ARMC10: variants seen among roughly 807,000 people sequenced by gnomAD.
ARMC10 encodes the protein armadillo repeat-containing protein 10.
ARMC10 carries 23 observed loss-of-function variants against 30.2 expected under a neutral mutation model. The observed-to-expected ratio is 0.76, with a 90% CI of 0.55 to 1.08. The LOEUF (loss-of-function observed/expected upper bound fraction) is 1.08, where lower values mean the gene tolerates loss of function less well. Among genes scored for constraint, ARMC10 ranks in the 50% least tolerant of loss-of-function variants. ARMC10 has a pLI of 0.00. For synonymous variants in ARMC10, 111 were observed against 164.4 expected (o/e 0.68, Z 2.48); for missense variants, 303 against 413.7 (o/e 0.73, Z 2.32).
At position 103,092,345 on chromosome 7, in the gene ARMC10, A is replaced by AAG. The variant is rs1483081467; in HGVS notation, c.529-131_529-130insGA. 4 of 494,566 alleles carry AAG rather than the reference A, an allele frequency of 8.1e-6. No individual in the cohort carries two copies. In the East Asian group the frequency reaches 1.4e-4, roughly 17 times the overall value. 30.6% of individuals were successfully genotyped at this position (494,566 alleles called of 1,614,324 possible). ...GACTCCGTCTCAAAAAAAAAAAAAA[A>AAG]AAAAAAGTCGTATTTTTTGAGGAGT... On this transcript the variant is annotated intron_variant, in intron 4 of 6. Transcript: ENST00000323716.
chr7:103,090,663 T>G (rs1801231195), intron 4 of ARMC10, among the ~76,000 whole-genome samples: 1 of 151,784 alleles, frequency 6.6e-6, no homozygotes, highest in East Asian at 1.9e-4. Context: ...ACGCTTGCAA[T>G]TTTTTGTATT....
At chr7:103,087,779 G>A in intron 4 of ARMC10, 1 of 985,254 alleles carries the variant, frequency 1.0e-6, no homozygotes. Context: ...CCAAAACACT[G>A]TTAAGCAGTA....
chr7:103,076,969 G>A (rs1202559648), intron 2 of ARMC10, among the ~76,000 whole-genome samples: 2 of 152,056 alleles, frequency 1.3e-5, no homozygotes, highest in Non-Finnish European at 2.9e-5. Flanking sequence ...CTGCAGCGGC[G>A]CAATCACAGC....
rs1422529604 is a variant in ARMC10, at chr7:103,075,333, T to C, written c.61T>C (p.Cys21Arg). Reference protein sequence around the residue: ...AAGLLLGAGACYCIYRLTRGR... With the variant: ...AAGLLLGAGARYCIYRLTRGR... ...GGGCCTGCTGCTCGGCGCGGGCGCC[T>C]GCTACTGCATTTACAGGCTGACCCG... Residue 21 changes from cysteine to arginine, a missense_variant, in exon 1 of 7, where the codon TGC (cysteine) becomes CGC (arginine). Coordinates refer to ENST00000323716, the MANE Select transcript of ARMC10 (RefSeq NM_031905.5). 4 of 1,252,128 alleles carry C rather than the reference T, an allele frequency of 3.2e-6. No individual in the cohort carries two copies. Among genetic ancestry groups the C allele is most frequent in the Non-Finnish European group, 4.0e-6 (4 of 998,080 alleles). 77.6% of individuals were successfully genotyped at this position (1,252,128 alleles called of 1,614,324 possible).
At chr7:103,094,929 T>A (rs1294980235) in intron 5 of ARMC10, among the ~76,000 whole-genome samples, 1 of 150,160 alleles carries the variant, frequency 6.7e-6, no homozygotes, top group African/African-American at 2.4e-5. Context: ...TACTTAAAAT[T>A]TTTATCATGA....
At chr7:103,079,424 C>T (rs899426161) in intron 2 of ARMC10, among the ~76,000 whole-genome samples, 3 of 152,160 alleles carry the variant, frequency 2.0e-5, no homozygotes, top group Non-Finnish European at 4.4e-5. Context: ...TGATCAAGTA[C>T]ATCCATCAAA....
intron 3 of ARMC10, 193 bp downstream of exon 3, chr7:103,084,023 A>C (rs766302284): frequency 6.6e-7 from 1 of 1,510,140 alleles, no homozygotes; most frequent in Admixed American, 2.0e-5. Context: ...TATTAATGTG[A>C]TTATAGATCC....
chr7:103,091,557 C>G (rs1801332770), intron 4 of ARMC10, among the ~76,000 whole-genome samples: 1 of 152,032 alleles, frequency 6.6e-6, no homozygotes, highest in Non-Finnish European at 1.5e-5. Flanking sequence ...TAATTTTGTT[C>G]TGCTTACTTT....
At chr7:103,085,816 T>G (rs896532262) in intron 3 of ARMC10, among the ~76,000 whole-genome samples, 22 of 152,068 alleles carry the variant, frequency 1.4e-4, no homozygotes, top group African/African-American at 4.8e-4. Context: ...GGTTTCACCA[T>G]GTTGGCCAGG....
At chr7:103,075,466 A>G in intron 1 of ARMC10, 55 bp downstream of exon 1, 4 of 1,268,560 alleles carry the variant, frequency 3.2e-6, no homozygotes, top group Non-Finnish European at 4.0e-6. Flanking sequence ...GGGGCTCCCC[A>G]GGCCGGGGTG....
intron 5 of ARMC10, chr7:103,096,379 A>G (rs1235663691): frequency 6.6e-6 from 1 of 152,082 alleles, no homozygotes; most frequent in East Asian, 1.9e-4. Flanking sequence ...GTGCTTATTT[A>G]TATGATTGTA....
At chr7:103,091,490 A>T (rs66941161) in intron 4 of ARMC10, among the ~76,000 whole-genome samples, 3 of 324 alleles carry the variant, frequency 9.3e-3, no homozygotes, top group African/African-American at 0.023. Flanking sequence ...GGGGTGAATT[A>T]TATATATATA....
chr7:103,079,363 G>T (rs1800176299), intron 2 of ARMC10, among the ~76,000 whole-genome samples: 1 of 152,066 alleles, frequency 6.6e-6, no homozygotes, highest in African/African-American at 2.4e-5. Context: ...TATCATTTCT[G>T]ATAAAAACTT....
At chr7:103,088,454 A>G (rs1174290012) in intron 4 of ARMC10, among the ~76,000 whole-genome samples, 2 of 152,186 alleles carry the variant, frequency 1.3e-5, no homozygotes, top group Non-Finnish European at 2.9e-5. Flanking sequence ...ATTTTGTACT[A>G]TGAAGATTTC....
chr7:103,079,886 T>A (rs1457922622), intron 2 of ARMC10, among the ~76,000 whole-genome samples: 1 of 152,262 alleles, frequency 6.6e-6, no homozygotes, highest in Non-Finnish European at 1.5e-5. Flanking sequence ...ATAATTTTAC[T>A]GAAGGGCCTA....
chr7:103,086,335 T>C (rs920675908), intron 3 of ARMC10, among the ~76,000 whole-genome samples: 5 of 152,204 alleles, frequency 3.3e-5, no homozygotes, highest in African/African-American at 7.2e-5. Flanking sequence ...AATAATTTTA[T>C]TTGTAAGTTG....
In ARMC10 at chr7:103,075,795, C is replaced by T. The variant is rs1799710739; in HGVS notation, c.158C>T (p.Thr53Met). Residue 53 changes from threonine (T) to methionine (M), a missense_variant, in exon 2 of 7, where the codon ACG becomes ATG. Physicochemically the swap from Thr to Met is moderately conservative, Grantham distance 81 (BLOSUM62 -1). Around this residue, in one of 4 missense-constraint regions of ARMC10, gnomAD observed 96 missense variants for 84.2 expected, o/e 1.14. Coordinates refer to ENST00000323716, the MANE Select transcript of ARMC10 (RefSeq NM_031905.5). ...CTTGCAGGTGCCCTGGAAGAAGGGA[C>T]GTCAGAGGGTCAGTTGTGCGGGCGC... The part of the protein sequence containing the change: ...SKSAGALEEG[T>M]SEGQLCGRSA... 1.2e-6 allele frequency: 2 copies of T among 1,609,362 alleles called. No homozygotes were observed. The highest frequency in any genetic ancestry group is 1.7e-6 in the Non-Finnish European group (2 of 1,178,104).
At position 103,075,183 on chromosome 7, in the gene ARMC10, G is replaced by T. The variant is rs529402253; in HGVS notation, c.-90G>T. 2.1e-6 allele frequency: 2 copies of T among 969,360 alleles called. No individual in the cohort carries two copies. The highest frequency in any genetic ancestry group is 1.7e-5 in the African/African-American group (1 of 57,646). 60.0% of individuals were successfully genotyped at this position (969,360 alleles called of 1,614,324 possible). A position where few individuals can be genotyped will look rare whatever the true frequency, so the allele number is the denominator to read the frequency against. ...CAGGTCAGGTGGCGTTTGCTGTGGC[G>T]GCTAGGCCCGCGTGCGCTGGAGACC... On this transcript the variant is annotated 5_prime_UTR_variant, in exon 1 of 7. Coordinates refer to ENST00000323716, the MANE Select transcript of ARMC10 (RefSeq NM_031905.5).
chr7:103,095,201 A>C (rs1801661142), intron 5 of ARMC10, among the ~76,000 whole-genome samples: 1 of 152,124 alleles, frequency 6.6e-6, no homozygotes, highest in Admixed American at 6.5e-5. Context: ...TCCAGGCTCA[A>C]ACAATCCTCC....
Sources: gnomAD v4.1 joint callset for allele counts (sites outside exome capture counted in the v4.1 genomes callset) on GRCh38, gnomAD v4.1.1 for gene constraint, gnomAD v4.1.1 regional missense constraint, MANE v1.5 for transcripts, NCBI Gene and HGNC (gene_info 2026-07-23, HGNC 2026-07-21) for gene names.